The following SP100 variants were observed in gnomAD, a reference collection of about 807,000 sequenced individuals.
The protein encoded by SP100 is SP100 nuclear body protein.
SP100 carries 84 observed loss-of-function variants against 130.0 expected under a neutral mutation model. The ratio of observed to expected loss-of-function variants is 0.65; its 90% CI spans 0.54 to 0.77. The LOEUF is 0.77. Ranked by LOEUF, SP100 falls within the 30% of genes least tolerant of loss-of-function variation. SP100 has a pLI of 0.00. For synonymous variants in SP100, 331 were observed against 351.7 expected (o/e 0.94, Z 0.66); for missense variants, 978 against 1,052.2 (o/e 0.93, Z 0.97).
At position 230,505,366 on chromosome 2, in the gene SP100, C is replaced by T. The variant is rs557804123; in HGVS notation, c.1871-937C>T. Among the ~76,000 whole-genome samples, 10 of 152,284 alleles carry T rather than the reference C, an allele frequency of 6.6e-5. No homozygotes were observed. The South Asian group carries it at 8.3e-4, about 13-fold the overall frequency. On this transcript the variant is annotated intron_variant, in intron 21 of 28. Transcript: ENST00000340126. ...CTGAGAATCTCAGCAGTAACTTTCA[C>T]GCCCCATTTCCCATAACATCTGTTT...
At chr2:230,441,439 A>G (rs1575609582) in intron 2 of SP100, among the ~76,000 whole-genome samples, 1 of 152,232 alleles carries the variant, frequency 6.6e-6, no homozygotes, top group Non-Finnish European at 1.5e-5. Flanking sequence ...AAAGACTTGT[A>G]CAAGAGCAGC....
intron 9 of SP100, among the ~76,000 whole-genome samples, chr2:230,461,728 C>T (rs771156174): frequency 7.2e-5 from 11 of 151,958 alleles, no homozygotes; most frequent in Admixed American, 5.2e-4. Flanking sequence ...GCAGGGGGAT[C>T]GCTTGAGTCC....
At chr2:230,542,627 C>A (rs10199349) in intron 28 of SP100, among the ~76,000 whole-genome samples, 56,897 of 152,052 alleles carry the variant, frequency 0.37, 11,851 homozygotes, top group South Asian at 0.54. Context: ...AGCTTTTGAT[C>A]AGAAATTAGA....
At chr2:230,427,969 G>A (rs560622111) in intron 2 of SP100, among the ~76,000 whole-genome samples, 4 of 152,262 alleles carry the variant, frequency 2.6e-5, no homozygotes, top group South Asian at 2.1e-4. Context: ...AGTGGCTCAC[G>A]CCTGTAATCC....
Position 230,484,409 on chromosome 2 carries a change from C to T in SP100, c.1600+9962C>T, listed in dbSNP as rs1206655723. Among the ~76,000 whole-genome samples the T allele has an allele frequency of 2.6e-5, 4 of 152,206 alleles. No homozygotes were observed. The East Asian group carries it at 7.7e-4, about 29-fold the overall frequency. On this transcript the variant is annotated intron_variant, in intron 17 of 28. Transcript: ENST00000340126. ...GAAGATTGTGTGCCAATTAGCTTTACTCAACTTTTTAAAAATCTATTGGTA... is the reference window on the plus strand; with the variant it reads ...GAAGATTGTGTGCCAATTAGCTTTATTCAACTTTTTAAAAATCTATTGGTA...
chr2:230,468,817 CAAAAAA>C (rs10617635), intron 13 of SP100: 853 of 149,312 alleles, frequency 5.7e-3, no homozygotes, highest in South Asian at 0.01. Flanking sequence ...GACCCTGTCT[CAAAAAA>C]AAAAAAAAAA....
chr2:230,500,029 T>C (rs2066929057), intron 19 of SP100, among the ~76,000 whole-genome samples: 2 of 152,256 alleles, frequency 1.3e-5, no homozygotes, highest in East Asian at 1.9e-4. Flanking sequence ...TGGGCTCCTA[T>C]TGTGGCATTC....
At chr2:230,537,385 C>G (rs994247495) in intron 24 of SP100, among the ~76,000 whole-genome samples, 1 of 152,154 alleles carries the variant, frequency 6.6e-6, no homozygotes, top group African/African-American at 2.4e-5. Flanking sequence ...TCAATCCACA[C>G]TGTTTCTGTT....
rs763026686 is a variant in SP100 at position 230,461,407 on chromosome 2, C to A, written c.966C>A (p.Asp322Glu). The change falls in exon 9 of 29, where the codon GAC (aspartate) becomes GAA (glutamate). Residue 322 changes from aspartate (D) to glutamate (E), a missense_variant. Coordinates refer to ENST00000340126, the MANE Select transcript of SP100 (RefSeq NM_001080391.2). ...GAACTCATCATAACCAGGCATCTGA[C>A]ATAATAGGTAAGGCTGACTGGGAGA... ...QARTHHNQAS[D>E]IIVISSEDSE... 6.2e-7 allele frequency: 1 copy of A among 1,614,012 alleles called. No homozygotes were observed. The highest frequency in any genetic ancestry group is 1.1e-5 in the South Asian group (1 of 91,090).
chr2:230,508,311 C>CATTT (rs376287053), intron 23 of SP100: 9,212 of 148,066 alleles, frequency 0.062, 298 homozygotes, highest in Middle Eastern at 0.11. Context: ...AAATGCCATA[C>CATTT]TTTTTTTTTT....
chr2:230,435,256 T>C (rs2063219920), intron 2 of SP100, among the ~76,000 whole-genome samples: 1 of 152,220 alleles, frequency 6.6e-6, no homozygotes, highest in Non-Finnish European at 1.5e-5. Flanking sequence ...TGTATTCATA[T>C]GTTTATTAGA....
chr2:230,449,819 G>T, intron 7 of SP100, 109 bp downstream of exon 7: 2 of 1,153,018 alleles, frequency 1.7e-6, no homozygotes, highest in Non-Finnish European at 2.5e-6. Flanking sequence ...AACAAGCAGG[G>T]GAAAATCACA....
intron 17 of SP100, among the ~76,000 whole-genome samples, chr2:230,488,436 C>T (rs1016489538): frequency 7.9e-5 from 12 of 152,060 alleles, no homozygotes; most frequent in South Asian, 2.1e-4. Flanking sequence ...TTTTTTGAGA[C>T]GGAGTCTCAG....
At chr2:230,528,048 G>T (rs1691512837) in intron 24 of SP100, among the ~76,000 whole-genome samples, 1 of 152,148 alleles carries the variant, frequency 6.6e-6, no homozygotes, top group South Asian at 2.1e-4. Flanking sequence ...AGGATATCCA[G>T]GACTTGAACT....
At chr2:230,526,715 T>A (rs1055004032) in intron 24 of SP100, among the ~76,000 whole-genome samples, 3 of 152,012 alleles carry the variant, frequency 2.0e-5, no homozygotes, top group African/African-American at 7.2e-5. Flanking sequence ...ATAAACAGTG[T>A]GGAGAAGAAC....
chr2:230,447,578 A>G (rs545127236), intron 5 of SP100, among the ~76,000 whole-genome samples: 59 of 152,286 alleles, frequency 3.9e-4, no homozygotes, highest in African/African-American at 1.3e-3. Flanking sequence ...CACAGATCTC[A>G]TGGAAATGTT....
At chr2:230,422,457 C>T (rs549515791) in intron 2 of SP100, among the ~76,000 whole-genome samples, 5 of 152,178 alleles carry the variant, frequency 3.3e-5, no homozygotes, top group Admixed American at 1.3e-4. Flanking sequence ...TTTTCCAACT[C>T]GCCTTCTAAA....
At chr2:230,521,225 A>G (rs1271944596) in intron 24 of SP100, among the ~76,000 whole-genome samples, 1 of 152,102 alleles carries the variant, frequency 6.6e-6, no homozygotes, top group Non-Finnish European at 1.5e-5. Context: ...CATAGAACTG[A>G]TCTTTATAGT....
At chr2:230,523,203 G>A (rs1420696869) in intron 24 of SP100, among the ~76,000 whole-genome samples, 1 of 152,242 alleles carries the variant, frequency 6.6e-6, no homozygotes, top group African/African-American at 2.4e-5. Flanking sequence ...CGGGCAAAGT[G>A]TAGCCATGTG....
Sources: allele counts gnomAD v4.1 joint callset (sites outside exome capture counted in the v4.1 genomes callset), GRCh38; gene constraint gnomAD v4.1.1; transcripts MANE v1.5; gene names NCBI Gene and HGNC (gene_info 2026-07-23, HGNC 2026-07-21).